The following PRKCB variants were observed in gnomAD, a reference collection of about 807,000 sequenced individuals.
PRKCB encodes the protein protein kinase C beta.
In PRKCB, 13 loss-of-function variants were observed where a neutral mutation model predicts 81.5. The observed-to-expected ratio is 0.16, with a 90% CI of 0.10 to 0.25. PRKCB has a LOEUF of 0.25. Ranked by LOEUF, PRKCB falls within the 10% of genes least tolerant of loss-of-function variation. The pLI is 1.00. For missense variants in PRKCB, 509 were observed against 875.7 expected, an observed-to-expected ratio of 0.58 and a Z score of 5.29; for synonymous variants, 335 against 321.4, an observed-to-expected ratio of 1.04 and a Z score of -0.45.
intron 3 of PRKCB, among the ~76,000 whole-genome samples, chr16:24,025,577 A>G (rs1965468121): frequency 6.6e-6 from 1 of 152,210 alleles, no homozygotes; most frequent in African/African-American, 2.4e-5. Context: ...AGTGTGGAAG[A>G]GATGCAATTA....
At chr16:23,871,672 G>A (rs987437490) in intron 2 of PRKCB, among the ~76,000 whole-genome samples, 6 of 151,946 alleles carry the variant, frequency 3.9e-5, no homozygotes, top group Non-Finnish European at 7.4e-5. Flanking sequence ...GTGCCTCCTG[G>A]GTTCAGGTGA....
intron 16 of PRKCB, 58 bp from the exon 17 acceptor site, chr16:24,214,600 G>C: frequency 7.0e-7 from 1 of 1,435,674 alleles, no homozygotes; most frequent in Non-Finnish European, 9.7e-7. Context: ...TTTTATTTTG[G>C]CTTTTGTTTT....
intron 16 of PRKCB, among the ~76,000 whole-genome samples, chr16:24,213,978 A>C (rs1047030465): frequency 6.6e-6 from 1 of 152,180 alleles, no homozygotes; most frequent in Non-Finnish European, 1.5e-5. Context: ...CTAATTGAAG[A>C]GGGAATGGCT....
intron 5 of PRKCB, among the ~76,000 whole-genome samples, chr16:24,065,208 G>A (rs1451250672): frequency 6.6e-6 from 1 of 150,864 alleles, no homozygotes; most frequent in Non-Finnish European, 1.5e-5. Context: ...TTATATAATT[G>A]CTGATATATT....
intron 2 of PRKCB, among the ~76,000 whole-genome samples, chr16:23,940,438 A>AGGT (rs1964127199): frequency 6.6e-6 from 1 of 152,132 alleles, no homozygotes; most frequent in South Asian, 2.1e-4. Context: ...GAGAAACCTA[A>AGGT]GGTGAACTGG....
intron 2 of PRKCB, among the ~76,000 whole-genome samples, chr16:23,851,677 A>G (rs1380722638): frequency 6.6e-6 from 1 of 152,220 alleles, no homozygotes; most frequent in Non-Finnish European, 1.5e-5. Flanking sequence ...TTTGGCTAGT[A>G]TGGACATTTT....
At chr16:23,981,889 C>T (rs1214462129) in intron 2 of PRKCB, among the ~76,000 whole-genome samples, 2 of 4,228 alleles carry the variant, frequency 4.7e-4, no homozygotes, top group Non-Finnish European at 8.1e-4. Context: ...TCCCCTTCCC[C>T]TCCCCTTCCC....
intron 2 of PRKCB, among the ~76,000 whole-genome samples, chr16:23,867,031 TC>T (rs1417932754): frequency 0.015 from 1,494 of 98,438 alleles, 18 homozygotes; most frequent in South Asian, 0.078. Flanking sequence ...CTTCCTTCCT[TC>T]CTTCCTTCCT....
intron 2 of PRKCB, among the ~76,000 whole-genome samples, chr16:23,865,559 GTGTGTGTGTGTA>G (rs1413996708): frequency 0.19 from 2,789 of 14,668 alleles, 477 homozygotes; most frequent in East Asian, 0.27. Context: ...GTGTGTGTGT[GTGTGTGTGTGTA>G]TATGTATATT....
chr16:23,968,580 G>A (rs1017872969), intron 2 of PRKCB, among the ~76,000 whole-genome samples: 2 of 152,206 alleles, frequency 1.3e-5, no homozygotes, highest in South Asian at 2.1e-4. Flanking sequence ...CCCATTGCCT[G>A]TTGGCCTCAC....
intron 2 of PRKCB, among the ~76,000 whole-genome samples, chr16:23,938,175 A>G (rs1964087957): frequency 6.6e-6 from 1 of 152,210 alleles, no homozygotes; most frequent in African/African-American, 2.4e-5. Context: ...GGGCCTGGAT[A>G]TATCTTTCCA....
At chr16:24,124,042 T>C in intron 9 of PRKCB, 61 bp downstream of exon 9, 7 of 1,596,284 alleles carry the variant, frequency 4.4e-6, no homozygotes, top group Non-Finnish European at 6.0e-6. Flanking sequence ...CACAGGCACA[T>C]TTGCTGTTCC....
chr16:24,011,898 T>C (rs1407221761), intron 3 of PRKCB, among the ~76,000 whole-genome samples: 2 of 152,228 alleles, frequency 1.3e-5, no homozygotes, highest in Non-Finnish European at 2.9e-5. Context: ...AGTTAACCTA[T>C]GCAAAGAGGT....
intron 12 of PRKCB, among the ~76,000 whole-genome samples, chr16:24,176,345 C>G (rs371258177): frequency 6.6e-6 from 1 of 152,072 alleles, no homozygotes; most frequent in South Asian, 2.1e-4. Flanking sequence ...CCCAGGAGTT[C>G]GAAACTGCAG....
chr16:24,059,437 C>A (rs1446272943), intron 5 of PRKCB, among the ~76,000 whole-genome samples: 1 of 151,956 alleles, frequency 6.6e-6, no homozygotes, highest in African/African-American at 2.4e-5. Flanking sequence ...GCAGAAGGAT[C>A]GCTTGAGCCC....
At chr16:24,088,874 G>A (rs1156294531) in intron 5 of PRKCB, among the ~76,000 whole-genome samples, 1 of 152,182 alleles carries the variant, frequency 6.6e-6, no homozygotes, top group African/African-American at 2.4e-5. Context: ...CCCTTGTGGT[G>A]TCAGTTCATA....
At chr16:23,906,501 G>C (rs1207809816) in intron 2 of PRKCB, among the ~76,000 whole-genome samples, 1 of 152,040 alleles carries the variant, frequency 6.6e-6, no homozygotes, top group Admixed American at 6.5e-5. Flanking sequence ...AAACTCTGTA[G>C]ACATTAAAAA....
chr16:24,217,436 A>G lies in PRKCB; in HGVS notation c.*2620A>G. 1 of 985,468 alleles carries G rather than the reference A, an allele frequency of 1.0e-6. No homozygotes were observed. The highest frequency in any genetic ancestry group is 1.2e-6 in the Non-Finnish European group (1 of 829,940). The allele number at this position is 985,468 out of a possible 1,614,324, so 61.0% of individuals were successfully genotyped here. A position where few individuals can be genotyped will look rare whatever the true frequency, so the allele number is the denominator to read the frequency against. ...CTTCTTGGGGGATTAATGGGAGGTC[A>G]GTAGAATTAATAACCCTCCTTGGAT... On this transcript the variant is annotated 3_prime_UTR_variant, in exon 17 of 17. Coordinates refer to ENST00000643927, the MANE Select transcript of PRKCB (RefSeq NM_002738.7).
Position 24,094,853 on chromosome 16 carries a change from A to AAGGAAGGAAGGG in PRKCB, c.821+557_821+558insGGAAGGAAGGGA, listed in dbSNP as rs771070281. Among the ~76,000 whole-genome samples the AAGGAAGGAAGGG allele has an allele frequency of 1.7e-3, 242 of 139,706 alleles. 2 individuals are homozygous for AAGGAAGGAAGGG. The highest frequency in any genetic ancestry group is 3.8e-3 in the African/African-American group (145 of 37,742). 91.7% of individuals were successfully genotyped at this position (139,706 alleles called of 152,430 possible). A position where few individuals can be genotyped will look rare whatever the true frequency, so the allele number is the denominator to read the frequency against. On this transcript the variant is annotated intron_variant, in intron 7 of 16. Coordinates refer to ENST00000643927, the MANE Select transcript of PRKCB (RefSeq NM_002738.7). ...GAAGGAAGGAAGGAAGGAAGGAAGG[A>AAGGAAGGAAGGG]AAGGAAGAAAAAGGGAAAGGGAAAG...
Sources: gnomAD v4.1 joint callset for allele counts (sites outside exome capture counted in the v4.1 genomes callset) on GRCh38, gnomAD v4.1.1 for gene constraint, MANE v1.5 for transcripts, NCBI Gene and HGNC (gene_info 2026-07-23, HGNC 2026-07-21) for gene names.